Variants in NPY1R observed in about 807,000 individuals in gnomAD.
The protein encoded by NPY1R is neuropeptide Y receptor type 1.
NPY1R carries 10 observed loss-of-function variants against 24.1 expected under a neutral mutation model. That is an observed-to-expected ratio of 0.42 (90% CI 0.26 to 0.71). NPY1R has a LOEUF of 0.71. Among genes scored for constraint, NPY1R ranks in the 30% least tolerant of loss-of-function variants. The probability of loss-of-function intolerance (pLI) is 0.28; values close to 1 mark genes in which losing one functional copy is unlikely to be tolerated. For synonymous variants in NPY1R, 168 were observed against 165.9 expected (o/e 1.01, Z -0.10); for missense variants, 350 against 458.0 (o/e 0.76, Z 2.15).
intron 1 of NPY1R, among the ~76,000 whole-genome samples, chr4:163,327,406 A>C (rs902218292): frequency 6.6e-6 from 1 of 152,202 alleles, no homozygotes; most frequent in African/African-American, 2.4e-5. Flanking sequence ...TATATGTACA[A>C]GTTAAAAGTA....
At position 163,325,420 on chromosome 4, in the gene NPY1R, A is replaced by G. The variant is rs1345005308; in HGVS notation, c.1038T>C (p.Asp346=). The G allele has an allele frequency of 6.2e-7, 1 of 1,614,164 alleles. No individual in the cohort carries two copies. Among genetic ancestry groups the G allele is most frequent in the Non-Finnish European group, 8.5e-7 (1 of 1,180,004 alleles). The part of the protein sequence containing the change: ...NFCDFRSRDD[D]YETIAMSTMH... ...TCGTGGACATGGCTATTGTTTCATAATCATCATCCCGAGACCGGAAATCAC... is the reference window on the plus strand; with the variant it reads ...TCGTGGACATGGCTATTGTTTCATAGTCATCATCCCGAGACCGGAAATCAC... Residue 346 remains aspartate, a synonymous_variant, in exon 3 of 3, where the codon GAT becomes GAC. Transcript: ENST00000296533.
chr4:163,336,300 CA>C (rs1157710835), upstream of NPY1R, among the ~76,000 whole-genome samples: 10 of 151,362 alleles, frequency 6.6e-5, no homozygotes, highest in Admixed American at 2.6e-4. Flanking sequence ...TTTAGACATT[CA>C]AAAAAAAGTG....
At chr4:163,342,165 C>T (rs1735001966) in intron 1 of NPY1R, among the ~76,000 whole-genome samples, 1 of 152,176 alleles carries the variant, frequency 6.6e-6, no homozygotes. Flanking sequence ...ATAACAGTGA[C>T]TTCAACCTAA....
chr4:163,326,284 T>C lies in NPY1R; in HGVS notation c.271A>G (p.Ile91Val), dbSNP rs936080593. Residue 91 changes from isoleucine to valine, a missense_variant, in exon 2 of 3, where the codon ATC becomes GTC. By Grantham distance (29) the Ile-to-Val change is conservative (BLOSUM62 3). Coordinates refer to ENST00000296533, the MANE Select transcript of NPY1R (RefSeq NM_000909.6). ...ACAAATGTAAAGGGGAGACACATGA[T>C]GGCAACAAGCAAGTCTGAGAAGGAA... ...NLSFSDLLVA[I>V]MCLPFTFVYT... The C allele has an allele frequency of 6.2e-7, 1 of 1,614,154 alleles. No individual in the cohort carries two copies. The highest frequency in any genetic ancestry group is 8.5e-7 in the Non-Finnish European group (1 of 1,179,994).
intron 1 of NPY1R, among the ~76,000 whole-genome samples, chr4:163,338,155 T>G (rs1317229944): frequency 1.2e-5 from 1 of 80,082 alleles, no homozygotes; most frequent in Non-Finnish European, 2.8e-5. Flanking sequence ...TAGGATCCTG[T>G]TATGTAGATG....
rs538724090 is a variant in NPY1R, at chr4:163,343,623, GA to G, written c.-152+681del. On this transcript the variant is annotated intron_variant, in intron 1 of 1. Transcript: ENST00000511901. ...TTCTCAGAGTTCACTACACAGGGTTGAGGGCTGGACCGGCAAAACTCGATTT... is the reference window on the plus strand; with the variant it reads ...TTCTCAGAGTTCACTACACAGGGTTGGGGCTGGACCGGCAAAACTCGATTT... Among the ~76,000 whole-genome samples, 18 of 152,242 alleles carry G rather than the reference GA, an allele frequency of 1.2e-4. 1 individual carries two copies. The South Asian group carries it at 3.5e-3, about 30-fold the overall frequency.
chr4:163,336,885 T>A (rs1056609439), upstream of NPY1R, among the ~76,000 whole-genome samples: 1 of 152,150 alleles, frequency 6.6e-6, no homozygotes, highest in Non-Finnish European at 1.5e-5. Flanking sequence ...CACTTGAATC[T>A]GGGAGGCAGA....
chr4:163,325,823 A>C (rs1262988617), intron 2 of NPY1R, 33 bp downstream of exon 2: 1 of 1,591,320 alleles, frequency 6.3e-7, no homozygotes, highest in Non-Finnish European at 8.6e-7. Context: ...AAAGAAGGTA[A>C]AAATGGAAAT....
chr4:163,329,725 G>C (rs1309633596), intron 1 of NPY1R, among the ~76,000 whole-genome samples: 2 of 152,112 alleles, frequency 1.3e-5, no homozygotes, highest in Non-Finnish European at 2.9e-5. Context: ...GGAGTGGTGA[G>C]TAGGGAAGCT....
intron 1 of NPY1R, among the ~76,000 whole-genome samples, chr4:163,328,742 T>C (rs756985573): frequency 7.9e-5 from 12 of 152,186 alleles, no homozygotes; most frequent in Non-Finnish European, 1.8e-4. Context: ...TAGCTCTGCG[T>C]CTCCACCTCC....
At chr4:163,334,217 T>A (rs184559236), upstream of NPY1R, among the ~76,000 whole-genome samples, 2 of 152,346 alleles carry the variant, frequency 1.3e-5, no homozygotes, top group Non-Finnish European at 2.9e-5. Flanking sequence ...TAGCCTGCTA[T>A]AAGAATTACA....
At position 163,325,586 on chromosome 4, in the gene NPY1R, T is replaced by C; in HGVS notation, c.872A>G (p.Gln291Arg). The C allele has an allele frequency of 6.2e-7, 1 of 1,613,966 alleles. No homozygotes were observed. ...IFNTVFDWNHQIIATCNHNLL... is the reference protein window; with the variant it reads ...IFNTVFDWNHRIIATCNHNLL... ...ATTGTGGTTGCAGGTAGCAATGATC[T>C]GATGATTCCAATCAAACACAGTGTT... Residue 291 changes from glutamine to arginine, a missense_variant, in exon 3 of 3, where the codon CAG becomes CGG. Physicochemically the swap from Gln to Arg is conservative, Grantham distance 43. Transcript: ENST00000296533.
intron 1 of NPY1R, 106 bp from the exon 2 acceptor site, chr4:163,326,811 CA>C (rs1471955995): frequency 6.1e-6 from 2 of 329,256 alleles, no homozygotes; most frequent in East Asian, 1.0e-4. Context: ...AATAAATAAA[CA>C]AAATGTAATC....
At chr4:163,334,796 G>T (rs1734799874), upstream of NPY1R, among the ~76,000 whole-genome samples, 1 of 150,182 alleles carries the variant, frequency 6.7e-6, no homozygotes, top group African/African-American at 2.5e-5. Flanking sequence ...AGAGGCAGAG[G>T]TTGCAGTGAG....
upstream of NPY1R, among the ~76,000 whole-genome samples, chr4:163,337,521 A>AC (rs773368985): frequency 1.1e-4 from 17 of 151,958 alleles, no homozygotes; most frequent in Admixed American, 3.3e-4. Flanking sequence ...AGCTGTTTCA[A>AC]CCCCAGGCTT....
intron 1 of NPY1R, among the ~76,000 whole-genome samples, chr4:163,329,509 G>A (rs1221871370): frequency 1.3e-5 from 2 of 151,958 alleles, no homozygotes; most frequent in South Asian, 2.1e-4. Flanking sequence ...GCTGTGGCAG[G>A]AGAATTGCTT....
chr4:163,329,278 A>G (rs1262848534), intron 1 of NPY1R, among the ~76,000 whole-genome samples: 1 of 152,168 alleles, frequency 6.6e-6, no homozygotes, highest in Non-Finnish European at 1.5e-5. Flanking sequence ...ATGCTAGATG[A>G]TAATACATAT....
chr4:163,326,418 G>A lies in NPY1R; in HGVS notation c.137C>T (p.Ala46Val), dbSNP rs1415361870. Residue 46 changes from alanine (A) to valine (V), a missense_variant, in exon 2 of 3, where the codon GCT becomes GTT. Transcript: ENST00000296533. ...ACCAAGAATGATCACAGCTCCATAA[G>A]CAAGAGCTAAGGTAAATATCATGGC... Reference protein sequence around the residue: ...PLAMIFTLALAYGAVIILGVS... With the variant: ...PLAMIFTLALVYGAVIILGVS... 1.2e-6 allele frequency: 2 copies of A among 1,614,026 alleles called. No homozygotes were observed. The highest frequency in any genetic ancestry group is 2.2e-5 in the South Asian group (2 of 91,076).
chr4:163,342,957 T>TTCTCTTTCTC (rs138445142), intron 1 of NPY1R, among the ~76,000 whole-genome samples: 1,340 of 133,368 alleles, frequency 0.01, 32 homozygotes, highest in African/African-American at 0.036. Flanking sequence ...CCTTCTCTCC[T>TTCTCTTTCTC]TCTCTCTCTC....
Sources: gnomAD v4.1 joint callset for allele counts (sites outside exome capture counted in the v4.1 genomes callset) on GRCh38, gnomAD v4.1.1 for gene constraint, MANE v1.5 for transcripts, NCBI Gene and HGNC (gene_info 2026-07-23, HGNC 2026-07-21) for gene names.